THSD7A: variants seen among roughly 807,000 people sequenced by gnomAD.
The protein encoded by THSD7A is thrombospondin type 1 domain containing 7A.
A neutral mutation model predicts 231.3 loss-of-function variants in THSD7A; 96 were observed. That is an observed-to-expected ratio of 0.41 (90% CI 0.35 to 0.49). The LOEUF (loss-of-function observed/expected upper bound fraction) is 0.49, where lower values mean the gene tolerates loss of function less well. THSD7A is among the 20% of genes least tolerant of loss of function. The pLI is 0.05. For missense variants in THSD7A, 2,290 were observed against 2,070.2 expected (o/e 1.11, Z -2.06); for synonymous variants, 940 against 743.3 (o/e 1.26, Z -4.30).
At position 11,750,322 on chromosome 7, in the gene THSD7A, A is replaced by G. The variant is rs191567064; in HGVS notation, c.190+81435T>C. Among the ~76,000 whole-genome samples the G allele has an allele frequency of 4.6e-5, 7 of 152,044 alleles. No individual in the cohort carries two copies. In the East Asian group the frequency reaches 1.4e-3, roughly 30 times the overall value. The stretch of plus-strand genomic sequence containing the variant: ...GAAGTATATAGGGGTGCGTAGTACA[A>G]ATCAGGACGGTATCAGTAACATTAT... On this transcript the variant is annotated intron_variant, in intron 1 of 27. Coordinates refer to ENST00000423059, the MANE Select transcript of THSD7A (RefSeq NM_015204.3).
intron 1 of THSD7A, among the ~76,000 whole-genome samples, chr7:11,681,971 G>T (rs868160050): frequency 2.0e-5 from 3 of 152,098 alleles, no homozygotes; most frequent in Non-Finnish European, 4.4e-5. Context: ...CTTAAAAAAA[G>T]AAATTCCAAC....
chr7:11,528,575 T>C (rs1270244940), intron 6 of THSD7A, among the ~76,000 whole-genome samples: 1 of 152,216 alleles, frequency 6.6e-6, no homozygotes, highest in African/African-American at 2.4e-5. Context: ...TAATCTTCTA[T>C]AATTTTATAT....
intron 1 of THSD7A, among the ~76,000 whole-genome samples, chr7:11,775,621 A>G (rs1783376497): frequency 6.6e-6 from 1 of 152,190 alleles, no homozygotes. Flanking sequence ...ACTTATATGA[A>G]GTACCTAGAA....
At chr7:11,516,918 A>C (rs1287639577) in intron 6 of THSD7A, among the ~76,000 whole-genome samples, 1 of 152,168 alleles carries the variant, frequency 6.6e-6, no homozygotes, top group African/African-American at 2.4e-5. Context: ...AATTGCAGTC[A>C]TGGTCATGTA....
At position 11,370,548 on chromosome 7, in the gene THSD7A, C is replaced by T. The variant is rs2115265235; in HGVS notation, c.*5246G>A. The T allele has an allele frequency of 6.6e-6, 1 of 152,170 alleles. No individual in the cohort carries two copies. Among genetic ancestry groups the T allele is most frequent in the Non-Finnish European group, 1.5e-5 (1 of 68,002 alleles). The allele number at this position is 152,170 out of a possible 1,614,324, so 9.4% of individuals were successfully genotyped here. ...CATCTTCACATGCCATCTGTATTGA[C>T]TGAATAAAGCTTAGTGACATTATTT... On this transcript the variant is annotated 3_prime_UTR_variant, in exon 28 of 28. Coordinates refer to ENST00000423059, the MANE Select transcript of THSD7A (RefSeq NM_015204.3).
At chr7:11,771,901 TTCTG>T (rs1427922998) in intron 1 of THSD7A, among the ~76,000 whole-genome samples, 1 of 152,148 alleles carries the variant, frequency 6.6e-6, no homozygotes, top group African/African-American at 2.4e-5. Context: ...GTTGCACCTT[TTCTG>T]TCTCTCTCTT....
intron 1 of THSD7A, among the ~76,000 whole-genome samples, chr7:11,706,428 A>G (rs981702902): frequency 6.6e-6 from 1 of 150,880 alleles, no homozygotes; most frequent in Non-Finnish European, 1.5e-5. Flanking sequence ...AAAGAAAAAT[A>G]AGTGTTCATT....
At chr7:11,539,586 G>T (rs1562698478) in intron 6 of THSD7A, among the ~76,000 whole-genome samples, 3 of 152,106 alleles carry the variant, frequency 2.0e-5, no homozygotes, top group Non-Finnish European at 2.9e-5. Context: ...ACCTCTGCTT[G>T]TTTTTTAGTG....
At chr7:11,538,659 C>A (rs942021342) in intron 6 of THSD7A, among the ~76,000 whole-genome samples, 1 of 152,142 alleles carries the variant, frequency 6.6e-6, no homozygotes, top group Non-Finnish European at 1.5e-5. Flanking sequence ...AAGTAATGAG[C>A]AATATTTGTT....
In THSD7A at chr7:11,388,976, T is replaced by C. The variant is rs560797379; in HGVS notation, c.4412-6360A>G. Among the ~76,000 whole-genome samples, 6 of 152,330 alleles carry C rather than the reference T, an allele frequency of 3.9e-5. No homozygotes were observed. In the South Asian group the frequency reaches 1.2e-3, roughly 32 times the overall value. The stretch of plus-strand genomic sequence containing the variant: ...TTGCACTGTGATCTCAGAGACTGTT[T>C]ATGATTTCTGTTCTTTTGCATTTGC... On this transcript the variant is annotated intron_variant, in intron 23 of 27. Transcript: ENST00000423059.
At chr7:11,454,375 A>AT (rs990581558) in intron 11 of THSD7A, among the ~76,000 whole-genome samples, 2 of 151,470 alleles carry the variant, frequency 1.3e-5, no homozygotes, top group Admixed American at 6.6e-5. Context: ...ACTACTTCTC[A>AT]TTTTTTTAAT....
At chr7:11,558,535 T>C (rs1789942739) in intron 4 of THSD7A, among the ~76,000 whole-genome samples, 1 of 151,988 alleles carries the variant, frequency 6.6e-6, no homozygotes, top group Non-Finnish European at 1.5e-5. Context: ...GAATTGCATA[T>C]CCAGGGATCT....
intron 10 of THSD7A, 108 bp downstream of exon 10, chr7:11,461,903 G>A: frequency 1.4e-6 from 2 of 1,379,562 alleles, no homozygotes; most frequent in African/African-American, 1.4e-5. Context: ...CAACTCCATT[G>A]AGCCTGTGGA....
chr7:11,566,903 T>C (rs1400283188), intron 4 of THSD7A, among the ~76,000 whole-genome samples: 2 of 145,452 alleles, frequency 1.4e-5, no homozygotes, highest in Non-Finnish European at 3.0e-5. Flanking sequence ...AGTGATCATC[T>C]TAACTCTTTT....
chr7:11,621,852 G>A (rs73290887), intron 2 of THSD7A, among the ~76,000 whole-genome samples: 2,600 of 152,148 alleles, frequency 0.017, 76 homozygotes, highest in African/African-American at 0.059. Context: ...ATACTCAATG[G>A]CCTGGCTGTT....
At position 11,560,478 on chromosome 7, in the gene THSD7A, G is replaced by A. The variant is rs1222125391; in HGVS notation, c.1454-17361C>T. On this transcript the variant is annotated intron_variant, in intron 4 of 27. Transcript: ENST00000423059. The stretch of plus-strand genomic sequence containing the variant: ...AAGCAAAAACAAGGTCACTGTGAGA[G>A]CCCTGAAATATCAAATCTTTCCTTC... Among the ~76,000 whole-genome samples, 6 of 152,204 alleles carry A rather than the reference G, an allele frequency of 3.9e-5. No individual in the cohort carries two copies. The South Asian group carries it at 8.3e-4, about 21-fold the overall frequency.
At chr7:11,635,850 AC>A (rs1206558091) in intron 2 of THSD7A, among the ~76,000 whole-genome samples, 7 of 152,086 alleles carry the variant, frequency 4.6e-5, no homozygotes, top group Non-Finnish European at 1.0e-4. Context: ...GACACTGTCT[AC>A]ACATAGAGAA....
At chr7:11,515,657 T>G (rs1201607075) in intron 6 of THSD7A, among the ~76,000 whole-genome samples, 1 of 152,154 alleles carries the variant, frequency 6.6e-6, no homozygotes, top group Non-Finnish European at 1.5e-5. Context: ...TATATATTTT[T>G]AGAGATAAAT....
At chr7:11,635,844 C>G (rs1040158380) in intron 2 of THSD7A, among the ~76,000 whole-genome samples, 4 of 151,800 alleles carry the variant, frequency 2.6e-5, no homozygotes, top group Non-Finnish European at 5.9e-5. Context: ...GGAAACGACA[C>G]TGTCTACACA....
Sources: allele counts gnomAD v4.1 joint callset (sites outside exome capture counted in the v4.1 genomes callset), GRCh38; gene constraint gnomAD v4.1.1; transcripts MANE v1.5; gene names NCBI Gene and HGNC (gene_info 2026-07-23, HGNC 2026-07-21).